Variants in ANKDD1A observed in about 807,000 individuals in gnomAD.
The protein encoded by ANKDD1A is ankyrin repeat and death domain containing 1A.
In ANKDD1A, 59 loss-of-function variants were observed where a neutral mutation model predicts 63.5. The ratio of observed to expected loss-of-function variants is 0.93; its 90% CI spans 0.75 to 1.15. The LOEUF (loss-of-function observed/expected upper bound fraction) is 1.15. Among genes scored for constraint, ANKDD1A ranks in the 50% most tolerant of loss-of-function variants. ANKDD1A has a pLI of 0.00. For synonymous variants in ANKDD1A, 266 were observed against 263.9 expected (o/e 1.01, Z -0.08); for missense variants, 632 against 656.4 (o/e 0.96, Z 0.41).
At position 64,943,666 on chromosome 15, in the gene ANKDD1A, C is replaced by CT. The variant is rs1595855184; in HGVS notation, c.1065+84_1065+85insT. 6 of 1,141,752 alleles carry CT rather than the reference C, an allele frequency of 5.3e-6. No individual in the cohort carries two copies. In the East Asian group the frequency reaches 1.3e-4, roughly 25 times the overall value. The allele number at this position is 1,141,752 out of a possible 1,614,324, so 70.7% of individuals were successfully genotyped here. On this transcript the variant is annotated intron_variant, in intron 11 of 14. Coordinates refer to ENST00000319580, the MANE Select transcript of ANKDD1A (RefSeq NM_182703.6). Reference sequence around the variant, plus strand: ...ACCCTGCTACGAATGCCCCCTCCCTCCTCCTTCTCAGGGTGTTCAAGGACT... The same window carrying CT: ...ACCCTGCTACGAATGCCCCCTCCCTCTCTCCTTCTCAGGGTGTTCAAGGACT...
intron 4 of ANKDD1A, among the ~76,000 whole-genome samples, chr15:64,925,315 T>C (rs1263567793): frequency 6.6e-6 from 1 of 151,972 alleles, no homozygotes; most frequent in Non-Finnish European, 1.5e-5. Context: ...TAAAACACTG[T>C]TGTACTGATT....
intron 4 of ANKDD1A, among the ~76,000 whole-genome samples, chr15:64,924,149 C>T (rs1463558875): frequency 6.6e-6 from 1 of 152,248 alleles, no homozygotes; most frequent in African/African-American, 2.4e-5. Context: ...GAGGGTCTCA[C>T]TCACATGTCT....
At chr15:64,950,884 TA>T in intron 14 of ANKDD1A, 3 of 1,195,342 alleles carry the variant, frequency 2.5e-6, no homozygotes, top group South Asian at 1.5e-5. Flanking sequence ...GGCATGCAAT[TA>T]AAACATAAAA....
intron 2 of ANKDD1A, 23 bp downstream of exon 2, chr15:64,915,923 T>C: frequency 6.2e-7 from 1 of 1,605,980 alleles, no homozygotes; most frequent in Non-Finnish European, 8.5e-7. Context: ...CTTCTCTGAA[T>C]CCAGGCACCT....
intron 9 of ANKDD1A, 44 bp from the exon 10 acceptor site, chr15:64,942,423 C>A: frequency 6.7e-7 from 1 of 1,495,522 alleles, no homozygotes; most frequent in Non-Finnish European, 9.2e-7. Flanking sequence ...GCTGGGCAGT[C>A]CTGGGAGGGA....
intron 14 of ANKDD1A, chr15:64,951,405 T>TTTC (rs2085272966): frequency 2.0e-4 from 32 of 163,978 alleles, no homozygotes; most frequent in African/African-American, 2.1e-4. Context: ...CTCTTTTTTC[T>TTTC]TTTTTCTTTT....
At chr15:64,930,739 T>C (rs552335603) in intron 6 of ANKDD1A, 83 bp from the exon 7 acceptor site, 2 of 1,375,932 alleles carry the variant, frequency 1.5e-6, no homozygotes, top group South Asian at 1.3e-5. Context: ...ACTGACCCAG[T>C]GTGCATGGCT....
At chr15:64,932,311 C>T (rs2085098233) in intron 8 of ANKDD1A, 2 of 152,178 alleles carry the variant, frequency 1.3e-5, no homozygotes, top group South Asian at 4.1e-4. Context: ...GCTTTGAGGG[C>T]ACTTTCTCAG....
At chr15:64,932,917 C>G (rs1027306280) in intron 8 of ANKDD1A, among the ~76,000 whole-genome samples, 2 of 150,378 alleles carry the variant, frequency 1.3e-5, no homozygotes, top group African/African-American at 4.9e-5. Context: ...CCACTGTACT[C>G]CAGCCTGGGT....
chr15:64,912,743 C>T (rs1567108254), intron 1 of ANKDD1A, among the ~76,000 whole-genome samples: 1 of 152,242 alleles, frequency 6.6e-6, no homozygotes, highest in African/African-American at 2.4e-5. Context: ...CTCAAAAGCG[C>T]ATAGTGCAGC....
At chr15:64,952,937 CTCTTCTTCCTTCT>C (rs2085325772) in intron 14 of ANKDD1A, among the ~76,000 whole-genome samples, 1 of 50,272 alleles carries the variant, frequency 2.0e-5, no homozygotes, top group Admixed American at 2.3e-4. Context: ...GTTCTTCTTC[CTCTTCTTCCTTCT>C]CTTTCTTCCT....
Position 64,930,261 on chromosome 15 carries a change from A to T in ANKDD1A, c.571-561A>T, listed in dbSNP as rs554754096. 4.6e-4 allele frequency among the ~76,000 whole-genome samples: 12 copies of T among 26,028 alleles called. No individual in the cohort carries two copies. In the South Asian group the frequency reaches 0.034, roughly 75 times the overall value. The allele number at this position is 26,028 out of a possible 152,430, so 17.1% of individuals were successfully genotyped here. A position where few individuals can be genotyped will look rare whatever the true frequency, so the allele number is the denominator to read the frequency against. On this transcript the variant is annotated intron_variant, in intron 6 of 14. Transcript: ENST00000319580. ...TATCCCAGAACTTAAAGTAAAATTA[A>T]AAAAAAAAAAAAAGTCAGACAATAA...
chr15:64,950,729 G>GCCCCC (rs57067556), intron 14 of ANKDD1A: 1 of 639,688 alleles, frequency 1.6e-6, no homozygotes, highest in Non-Finnish European at 1.8e-6. Flanking sequence ...AGAAAGGACC[G>GCCCCC]CCCCCCCCCC....
chr15:64,915,963 AG>A, intron 2 of ANKDD1A, 63 bp downstream of exon 2: 2 of 1,487,698 alleles, frequency 1.3e-6, no homozygotes, highest in Admixed American at 1.8e-5. Flanking sequence ...GCCAGTACAC[AG>A]GGGGAATAGT....
chr15:64,935,447 G>A (rs1364927657), intron 9 of ANKDD1A, among the ~76,000 whole-genome samples: 4 of 152,042 alleles, frequency 2.6e-5, no homozygotes, highest in East Asian at 1.9e-4. Flanking sequence ...AGGCCGAGGC[G>A]GGCGGATCAC....
chr15:64,954,250 TTTC>T (rs1478606509), intron 14 of ANKDD1A, among the ~76,000 whole-genome samples: 32 of 150,424 alleles, frequency 2.1e-4, no homozygotes, highest in South Asian at 2.1e-4. Context: ...TTCTTAGTTC[TTTC>T]TTCTTCTCCT....
At chr15:64,919,219 C>T (rs929178524) in intron 3 of ANKDD1A, among the ~76,000 whole-genome samples, 1 of 152,108 alleles carries the variant, frequency 6.6e-6, no homozygotes, top group Non-Finnish European at 1.5e-5. Context: ...GGCTCTGGCT[C>T]CCATGGCTCT....
chr15:64,930,475 ACTGAGCCAAGCAGCTGCCTGGAACAGC>A (rs1348342186), intron 6 of ANKDD1A, among the ~76,000 whole-genome samples: 1 of 152,152 alleles, frequency 6.6e-6, no homozygotes, highest in Non-Finnish European at 1.5e-5. Context: ...GAGGCAGGTG[ACTGAGCCAAGCAGCTGCCTGGAACAGC>A]CTGAGCGCAG....
Position 64,930,649 on chromosome 15 carries a change from A to G in ANKDD1A, c.571-173A>G, listed in dbSNP as rs1255408114. 2.6e-5 allele frequency among the ~76,000 whole-genome samples: 4 copies of G among 152,194 alleles called. No individual in the cohort carries two copies. The East Asian group carries it at 7.7e-4, about 29-fold the overall frequency. ...AAGCAATGTGCCTGCCTTGAAGTAT[A>G]AGGAAAGAAAGACCAGGGCTTGGCC... On this transcript the variant is annotated intron_variant, in intron 6 of 14. Transcript: ENST00000319580.
Sources: allele counts gnomAD v4.1 joint callset (sites outside exome capture counted in the v4.1 genomes callset), GRCh38; gene constraint gnomAD v4.1.1; transcripts MANE v1.5; gene names NCBI Gene and HGNC (gene_info 2026-07-23, HGNC 2026-07-21).